The following USP34 variants were observed in gnomAD, a reference collection of about 807,000 sequenced individuals.
The protein encoded by USP34 is ubiquitin carboxyl-terminal hydrolase 34.
USP34 carries 70 observed loss-of-function variants against 460.3 expected under a neutral mutation model. That is an observed-to-expected ratio of 0.15 (90% CI 0.13 to 0.19). USP34 has a LOEUF of 0.19. Among genes scored for constraint, USP34 ranks in the 10% least tolerant of loss-of-function variants. USP34 has a pLI of 1.00. For synonymous variants in USP34, 1,647 were observed against 1,405.3 expected (o/e 1.17, Z -3.85); for missense variants, 3,985 against 4,236.2 (o/e 0.94, Z 1.65).
At chr2:61,434,133 T>A (rs1694749966) in intron 1 of USP34, among the ~76,000 whole-genome samples, 1 of 152,182 alleles carries the variant, frequency 6.6e-6, no homozygotes, top group South Asian at 2.1e-4. Flanking sequence ...GAAGCAGCCA[T>A]GCACCCTTAC....
chr2:61,189,980 C>G (rs1686580838), intron 78 of USP34: 2 of 271,890 alleles, frequency 7.4e-6, no homozygotes, highest in African/African-American at 4.4e-5. Context: ...ATAGAAACAT[C>G]ACAAGTATTG....
chr2:61,196,975 CAAGTA>C (rs756563502), intron 75 of USP34, among the ~76,000 whole-genome samples: 35 of 152,220 alleles, frequency 2.3e-4, no homozygotes, highest in Admixed American at 7.2e-4. Context: ...CTCTATTTTA[CAAGTA>C]AAGATGGAAA....
intron 39 of USP34, 41 bp downstream of exon 39, chr2:61,280,203 G>T: frequency 8.7e-7 from 1 of 1,155,468 alleles, no homozygotes; most frequent in East Asian, 2.7e-5. Context: ...ATATTAACAA[G>T]AAGAGAATAC....
intron 6 of USP34, among the ~76,000 whole-genome samples, chr2:61,381,068 G>GC (rs1692956353): frequency 1.3e-5 from 2 of 151,984 alleles, no homozygotes; most frequent in Non-Finnish European, 2.9e-5. Flanking sequence ...CACAAACACT[G>GC]CGGAAGGCTG....
intron 1 of USP34, among the ~76,000 whole-genome samples, chr2:61,441,267 C>T (rs1469326336): frequency 6.6e-6 from 1 of 151,772 alleles, no homozygotes; most frequent in African/African-American, 2.4e-5. Context: ...CCTCCCAAAG[C>T]ACTGGGACCA....
chr2:61,427,366 G>A (rs1009786220), intron 1 of USP34, among the ~76,000 whole-genome samples: 1 of 152,116 alleles, frequency 6.6e-6, no homozygotes, highest in African/African-American at 2.4e-5. Flanking sequence ...TTCCCAAGAA[G>A]GACAGCTTCA....
chr2:61,192,878 C>G (rs781524564), intron 76 of USP34, 23 bp downstream of exon 76: 3 of 1,598,864 alleles, frequency 1.9e-6, no homozygotes, highest in Non-Finnish European at 2.6e-6. Context: ...AAAGACCAAT[C>G]ATCTAAAACT....
intron 1 of USP34, among the ~76,000 whole-genome samples, chr2:61,469,090 C>T (rs555192324): frequency 3.9e-5 from 6 of 152,234 alleles, no homozygotes; most frequent in Non-Finnish European, 5.9e-5. Flanking sequence ...ACCTACATTT[C>T]CAGCTACTTG....
intron 44 of USP34, among the ~76,000 whole-genome samples, chr2:61,259,024 C>T (rs964273001): frequency 1.3e-5 from 2 of 152,140 alleles, no homozygotes; most frequent in Admixed American, 1.3e-4. Context: ...CTTTGGGAGG[C>T]TGAGGCAGGC....
intron 65 of USP34, chr2:61,221,834 G>A (rs1019292380): frequency 2.7e-5 from 10 of 376,854 alleles, no homozygotes; most frequent in South Asian, 1.6e-4. Flanking sequence ...GATGTCAAGA[G>A]TATTTTGGAA....
intron 1 of USP34, among the ~76,000 whole-genome samples, chr2:61,424,041 A>G (rs1694439410): frequency 6.6e-6 from 1 of 152,216 alleles, no homozygotes; most frequent in Admixed American, 6.5e-5. Flanking sequence ...CTGGGAATAT[A>G]AAATGTTACA....
chr2:61,278,750 T>C (rs1395577505), intron 39 of USP34, among the ~76,000 whole-genome samples: 20 of 151,696 alleles, frequency 1.3e-4, no homozygotes, highest in Admixed American at 1.3e-3. Flanking sequence ...AACCTTCACG[T>C]TGTGCACATG....
At chr2:61,422,032 A>G (rs557139715) in intron 1 of USP34, among the ~76,000 whole-genome samples, 1 of 152,310 alleles carries the variant, frequency 6.6e-6, no homozygotes, top group Admixed American at 6.5e-5. Context: ...AGGTAGTAAC[A>G]CCTACACCCA....
In USP34 at chr2:61,187,873, T is replaced by C; in HGVS notation, c.*229A>G. 7.4e-7 allele frequency: 1 copy of C among 1,347,470 alleles called. No homozygotes were observed. Among genetic ancestry groups the C allele is most frequent in the Non-Finnish European group, 9.6e-7 (1 of 1,041,712 alleles). 83.5% of individuals were successfully genotyped at this position (1,347,470 alleles called of 1,614,324 possible). On this transcript the variant is annotated 3_prime_UTR_variant, in exon 80 of 80. Coordinates refer to ENST00000398571, the MANE Select transcript of USP34 (RefSeq NM_014709.4). ...AAAGCCACTAAAGTGAACTCTTAAT[T>C]ACATAAAACATATCCATTATCTGAT...
chr2:61,405,679 T>C, intron 3 of USP34, 29 bp downstream of exon 3: 1 of 1,499,650 alleles, frequency 6.7e-7, no homozygotes, highest in South Asian at 1.4e-5. Flanking sequence ...TTGGTATTAC[T>C]TAAAATTCAC....
rs376920529 is a variant in USP34 at position 61,369,509 on chromosome 2, G to A, written c.1251+812C>T. Reference sequence around the variant, plus strand: ...AATACAAAAATTAGCTGGGCGTGGCGGTGCATACCTATAGTCCTAGCTATT... The same window carrying A: ...AATACAAAAATTAGCTGGGCGTGGCAGTGCATACCTATAGTCCTAGCTATT... On this transcript the variant is annotated intron_variant, in intron 10 of 79. Transcript: ENST00000398571. Among the ~76,000 whole-genome samples, 255 of 151,938 alleles carry A rather than the reference G, an allele frequency of 1.7e-3. 2 individuals are homozygous for A. In the South Asian group the frequency reaches 0.02, roughly 12 times the overall value.
At chr2:61,377,959 G>C (rs1477074552) in intron 8 of USP34, among the ~76,000 whole-genome samples, 4 of 152,202 alleles carry the variant, frequency 2.6e-5, no homozygotes, top group Non-Finnish European at 4.4e-5. Context: ...CAAGTGGATG[G>C]CTTGAGTCTA....
intron 22 of USP34, 142 bp from the exon 23 acceptor site, chr2:61,317,909 A>G (rs1406715328): frequency 8.1e-6 from 5 of 615,848 alleles, no homozygotes; most frequent in Non-Finnish European, 1.3e-5. Context: ...AAAAAATAAA[A>G]ATATATAATA....
intron 41 of USP34, among the ~76,000 whole-genome samples, chr2:61,269,991 C>G (rs2103929812): frequency 6.6e-6 from 1 of 152,282 alleles, no homozygotes; most frequent in East Asian, 1.9e-4. Context: ...TCCTACTATG[C>G]TACTGAGCAC....
Sources: gnomAD v4.1 joint callset for allele counts (sites outside exome capture counted in the v4.1 genomes callset) on GRCh38, gnomAD v4.1.1 for gene constraint, MANE v1.5 for transcripts, NCBI Gene and HGNC (gene_info 2026-07-23, HGNC 2026-07-21) for gene names.